The following CERT1 variants were observed in gnomAD, a reference collection of about 807,000 sequenced individuals.
CERT1 encodes ceramide transporter 1.
A neutral mutation model predicts 87.9 loss-of-function variants in CERT1; 31 were observed. That is an observed-to-expected ratio of 0.35 (90% CI 0.27 to 0.48). The LOEUF (loss-of-function observed/expected upper bound fraction) is 0.48. CERT1 is among the 20% of genes least tolerant of loss of function. The pLI is 0.99. For synonymous variants in CERT1, 289 were observed against 250.9 expected (o/e 1.15, Z -1.44); for missense variants, 487 against 758.0 (o/e 0.64, Z 4.20).
chr5:75,459,625 T>A (rs539272800), intron 2 of CERT1, among the ~76,000 whole-genome samples: 2 of 152,150 alleles, frequency 1.3e-5, no homozygotes, highest in African/African-American at 4.8e-5. Flanking sequence ...CTGGGACTAC[T>A]GGCACATACC....
intron 7 of CERT1, among the ~76,000 whole-genome samples, chr5:75,415,960 C>T (rs1763116920): frequency 6.6e-6 from 1 of 152,182 alleles, no homozygotes; most frequent in African/African-American, 2.4e-5. Flanking sequence ...CTCACCTGCA[C>T]TTGTGCATTC....
At chr5:75,395,415 T>C (rs990982860) in intron 11 of CERT1, among the ~76,000 whole-genome samples, 2 of 151,984 alleles carry the variant, frequency 1.3e-5, no homozygotes, top group African/African-American at 4.8e-5. Flanking sequence ...TGTGGTGGAA[T>C]GCCTGTAGTC....
chr5:75,508,698 TAAG>T (rs1767774075), intron 1 of CERT1, among the ~76,000 whole-genome samples: 1 of 152,122 alleles, frequency 6.6e-6, no homozygotes, highest in African/African-American at 2.4e-5. Flanking sequence ...ATATTTAGAA[TAAG>T]AGTCAGAAGC....
rs1175601924 is a variant in CERT1 at position 75,509,819 on chromosome 5, G to C, written c.96+1293C>G. ...AAAATGTATACCTACTACACAATGT[G>C]TTCAATAGAGATTCCTAAATTACAG... is the stretch of plus-strand genomic sequence containing the variant. On this transcript the variant is annotated intron_variant, in intron 1 of 16. Transcript: ENST00000643780. Among the ~76,000 whole-genome samples, 3 of 152,134 alleles carry C rather than the reference G, an allele frequency of 2.0e-5. No individual in the cohort carries two copies. In the East Asian group the frequency reaches 5.8e-4, roughly 29 times the overall value.
At chr5:75,460,982 A>G (rs781038217) in intron 2 of CERT1, among the ~76,000 whole-genome samples, 9 of 152,260 alleles carry the variant, frequency 5.9e-5, no homozygotes, top group Middle Eastern at 3.2e-3. Flanking sequence ...TTCAGTAATT[A>G]TAAATACAGA....
downstream of CERT1, chr5:75,377,290 T>C (rs1031245306): frequency 1.1e-4 from 17 of 152,232 alleles, no homozygotes; most frequent in African/African-American, 4.1e-4. Context: ...CAATTCATTA[T>C]TGCTGTTGAG....
intron 3 of CERT1, among the ~76,000 whole-genome samples, chr5:75,447,932 G>A (rs1214688128): frequency 6.6e-6 from 1 of 152,108 alleles, no homozygotes; most frequent in Non-Finnish European, 1.5e-5. Context: ...GTGCCATCAT[G>A]CCCGGCTTGT....
chr5:75,500,148 T>G (rs964762150), intron 2 of CERT1, among the ~76,000 whole-genome samples: 11 of 152,074 alleles, frequency 7.2e-5, no homozygotes, highest in African/African-American at 2.7e-4. Context: ...AAACACCAGA[T>G]GTAAGGGGAA....
intron 13 of CERT1, among the ~76,000 whole-genome samples, chr5:75,385,141 T>C (rs1036484931): frequency 3.9e-5 from 6 of 152,314 alleles, no homozygotes; most frequent in Admixed American, 3.9e-4. Context: ...GAAGTATCTA[T>C]ACTTAGGAAA....
intron 5 of CERT1, among the ~76,000 whole-genome samples, chr5:75,421,146 A>G (rs1179315616): frequency 1.3e-5 from 2 of 152,172 alleles, no homozygotes; most frequent in Non-Finnish European, 1.5e-5. Flanking sequence ...CTCCCTTTAT[A>G]AAGAAGGAAT....
intron 2 of CERT1, among the ~76,000 whole-genome samples, chr5:75,482,292 G>C (rs1369234593): frequency 6.6e-6 from 1 of 152,134 alleles, no homozygotes; most frequent in Non-Finnish European, 1.5e-5. Context: ...TACAGGCCTG[G>C]GGTGGTGGTT....
intron 2 of CERT1, among the ~76,000 whole-genome samples, chr5:75,495,521 G>T (rs1034987159): frequency 1.3e-5 from 2 of 151,836 alleles, no homozygotes; most frequent in African/African-American, 4.8e-5. Context: ...TCACGCCACT[G>T]CACTCCAGCC....
rs901801029 is a variant in CERT1, at chr5:75,501,904, T to C, written c.231+4078A>G. 3.9e-5 allele frequency among the ~76,000 whole-genome samples: 6 copies of C among 152,268 alleles called. No individual in the cohort carries two copies. In the East Asian group the frequency reaches 5.8e-4, roughly 15 times the overall value. On this transcript the variant is annotated intron_variant, in intron 2 of 16. Coordinates refer to ENST00000643780, the MANE Select transcript of CERT1 (RefSeq NM_001379029.1). Reference sequence around the variant, plus strand: ...ATATATCTACATTCATATAGAGAGATAGTCTTTGAGAGAGAAACACCTATC... The same window carrying C: ...ATATATCTACATTCATATAGAGAGACAGTCTTTGAGAGAGAAACACCTATC...
At chr5:75,460,360 A>G (rs925011236) in intron 2 of CERT1, among the ~76,000 whole-genome samples, 6 of 152,184 alleles carry the variant, frequency 3.9e-5, no homozygotes, top group Non-Finnish European at 7.3e-5. Context: ...TTCCAGCTAA[A>G]GGAAAAAAAT....
At chr5:75,465,663 A>G (rs749705607) in intron 2 of CERT1, among the ~76,000 whole-genome samples, 2 of 152,358 alleles carry the variant, frequency 1.3e-5, no homozygotes, top group Non-Finnish European at 2.9e-5. Flanking sequence ...ATTGCACCAC[A>G]GGTGCCATTT....
At chr5:75,393,889 C>T (rs565225609) in intron 11 of CERT1, among the ~76,000 whole-genome samples, 3 of 151,702 alleles carry the variant, frequency 2.0e-5, no homozygotes, top group Non-Finnish European at 2.9e-5. Context: ...CACTTGAACC[C>T]GGGAGGCGGA....
At chr5:75,457,221 T>C (rs1045233978) in intron 3 of CERT1, among the ~76,000 whole-genome samples, 2 of 152,236 alleles carry the variant, frequency 1.3e-5, no homozygotes, top group African/African-American at 4.8e-5. Flanking sequence ...TAGTTGAGAC[T>C]CCAAGTCTCT....
At chr5:75,399,790 C>T (rs1244141859) in intron 10 of CERT1, among the ~76,000 whole-genome samples, 2 of 152,042 alleles carry the variant, frequency 1.3e-5, no homozygotes, top group African/African-American at 4.8e-5. Context: ...ATATATAAAA[C>T]CAAAAACAGT....
intron 3 of CERT1, 141 bp downstream of exon 3, chr5:75,458,924 A>G (rs1242842904): frequency 1.7e-6 from 1 of 584,746 alleles, no homozygotes; most frequent in South Asian, 2.5e-5. Flanking sequence ...AAAAATTTAC[A>G]TATGAACTGC....
Sources: allele counts gnomAD v4.1 joint callset (sites outside exome capture counted in the v4.1 genomes callset), GRCh38; gene constraint gnomAD v4.1.1; transcripts MANE v1.5; gene names NCBI Gene and HGNC (gene_info 2026-07-23, HGNC 2026-07-21).